ZNF169: variants seen among roughly 807,000 people sequenced by gnomAD.
ZNF169 encodes zinc finger protein 169.
Under a neutral mutation model 12.0 loss-of-function variants are expected in ZNF169, and 11 were observed. That is an observed-to-expected ratio of 0.92 (90% CI 0.58 to 1.52). ZNF169 has a LOEUF of 1.52. ZNF169 is among the 40% of genes most tolerant of loss of function. The pLI is 0.00. For missense variants in ZNF169, 722 were observed against 744.0 expected (o/e 0.97, Z 0.34); for synonymous variants, 302 against 286.5 (o/e 1.05, Z -0.55).
chr9:94,287,247 G>C (rs191368529), intron 2 of ZNF169, among the ~76,000 whole-genome samples: 17 of 152,308 alleles, frequency 1.1e-4, no homozygotes, highest in Non-Finnish European at 2.2e-4. Flanking sequence ...ACATCTTAAA[G>C]CTGAATCATC....
intron 1 of ZNF169, among the ~76,000 whole-genome samples, chr9:94,265,021 G>GTTTTTTT (rs55756013): frequency 4.4e-5 from 4 of 90,680 alleles, no homozygotes; most frequent in African/African-American, 9.2e-5. Flanking sequence ...TCTGTACCCT[G>GTTTTTTT]TTTTTTTTTT....
At chr9:94,281,360 G>A (rs946091518) in intron 2 of ZNF169, among the ~76,000 whole-genome samples, 2 of 152,218 alleles carry the variant, frequency 1.3e-5, no homozygotes, top group African/African-American at 4.8e-5. Flanking sequence ...TTTTGCCTGA[G>A]AGGAGAATTG....
intron 1 of ZNF169, among the ~76,000 whole-genome samples, chr9:94,260,909 C>T (rs934815931): frequency 2.0e-5 from 3 of 150,696 alleles, no homozygotes; most frequent in African/African-American, 7.3e-5. Flanking sequence ...CAACCACGGC[C>T]TCCCGGGTTC....
chr9:94,273,718 T>C (rs1304761995), intron 1 of ZNF169, among the ~76,000 whole-genome samples: 1 of 151,930 alleles, frequency 6.6e-6, no homozygotes, highest in Non-Finnish European at 1.5e-5. Flanking sequence ...TAGCTGGGAC[T>C]ACAGGCACCT....
intron 4 of ZNF169, chr9:94,299,344 G>A (rs1237749032): frequency 4.8e-6 from 2 of 416,914 alleles, no homozygotes; most frequent in Non-Finnish European, 8.3e-6. Context: ...CCCCTTACTT[G>A]AGTCACCACA....
intron 4 of ZNF169, among the ~76,000 whole-genome samples, chr9:94,298,406 C>T (rs79124009): frequency 0.024 from 3,714 of 152,098 alleles, 149 homozygotes; most frequent in African/African-American, 0.084. Context: ...TCCTGCCGAG[C>T]GCAGTGGCTC....
At position 94,301,236 on chromosome 9, in the gene ZNF169, C is replaced by T. The variant is rs550942468; in HGVS notation, c.1678C>T (p.His560Tyr). Residue 560 changes from histidine to tyrosine, a missense_variant, in exon 5 of 5, where the codon CAT becomes TAT. Transcript: ENST00000395395. The part of the protein sequence containing the change: ...GFGFKSALIR[H>Y]QRTHSGEKPY... ...TGGCTTTAAGTCTGCCCTCATCCGA[C>T]ATCAGCGGACCCATTCTGGGGAGAA... The T allele has an allele frequency of 6.2e-7, 1 of 1,614,150 alleles. No individual in the cohort carries two copies. Among genetic ancestry groups the T allele is most frequent in the Admixed American group, 1.7e-5 (1 of 60,014 alleles).
At chr9:94,268,986 AACATACAC>A (rs1462241003) in intron 1 of ZNF169, among the ~76,000 whole-genome samples, 3 of 152,066 alleles carry the variant, frequency 2.0e-5, no homozygotes, top group South Asian at 2.1e-4. Context: ...TTTAAATACA[AACATACAC>A]ACATGCACAC....
At chr9:94,281,537 A>G (rs796543815) in intron 2 of ZNF169, among the ~76,000 whole-genome samples, 4 of 152,250 alleles carry the variant, frequency 2.6e-5, no homozygotes, top group African/African-American at 9.6e-5. Flanking sequence ...AAAGAGTCTA[A>G]CTCTGTAAAA....
At chr9:94,281,040 A>C (rs1443810798) in intron 2 of ZNF169, among the ~76,000 whole-genome samples, 1 of 152,234 alleles carries the variant, frequency 6.6e-6, no homozygotes, top group East Asian at 1.9e-4. Flanking sequence ...TGATTCTTTG[A>C]AGAGAATCTT....
rs1408719105 is a variant in ZNF169 at position 94,299,960 on chromosome 9, A to G, written c.402A>G (p.Pro134=). ...GAGGTGACTTCCAACTAGAAGCTCC[A>G]AGATGCTCTAGTGAAAAAGGAGAAA... is the stretch of plus-strand genomic sequence containing the variant. ...SAGGDFQLEA[P]RCSSEKGESG... Residue 134 remains proline, a synonymous_variant, in exon 5 of 5, where the codon CCA becomes CCG. Coordinates refer to ENST00000395395, the MANE Select transcript of ZNF169 (RefSeq NM_194320.4). 1 of 1,614,168 alleles carries G rather than the reference A, an allele frequency of 6.2e-7. No homozygotes were observed. The highest frequency in any genetic ancestry group is 1.7e-5 in the Admixed American group (1 of 60,008).
intron 2 of ZNF169, among the ~76,000 whole-genome samples, chr9:94,282,159 T>C (rs1055437590): frequency 3.3e-5 from 5 of 152,210 alleles, no homozygotes; most frequent in African/African-American, 2.4e-5. Context: ...GATTGGAAAG[T>C]AAGCCACGAT....
At chr9:94,275,029 A>G (rs1225478326) in intron 1 of ZNF169, among the ~76,000 whole-genome samples, 2 of 152,192 alleles carry the variant, frequency 1.3e-5, no homozygotes, top group Non-Finnish European at 2.9e-5. Flanking sequence ...ACTTGAGGCC[A>G]GAAGTTCTAG....
intron 1 of ZNF169, among the ~76,000 whole-genome samples, chr9:94,268,421 A>G (rs1353761168): frequency 6.6e-6 from 1 of 152,216 alleles, no homozygotes; most frequent in Non-Finnish European, 1.5e-5. Context: ...AAAGCCAAAC[A>G]TGATTTCATA....
rs1831051587 is a variant in ZNF169, at chr9:94,300,725, CCTT to C, written c.1168_1170del (p.Leu390del). ...GTAGCTTCAGGCAGCAGTCACTCCT[CCTT>C]AGTCACCAGGTCACACACTCAGGAG... On this transcript the variant is annotated inframe_deletion, in exon 5 of 5. Coordinates refer to ENST00000395395, the MANE Select transcript of ZNF169 (RefSeq NM_194320.4). The C allele has an allele frequency of 6.2e-7, 1 of 1,613,596 alleles. No individual in the cohort carries two copies. The highest frequency in any genetic ancestry group is 1.3e-5 in the African/African-American group (1 of 74,860).
In ZNF169 at chr9:94,288,117, C is replaced by A. The variant is rs1335312562; in HGVS notation, c.34-4224C>A. 6.1e-6 allele frequency: 5 copies of A among 824,424 alleles called. No homozygotes were observed. In the African/African-American group the frequency reaches 8.4e-5, roughly 14 times the overall value. The allele number at this position is 824,424 out of a possible 1,614,324, so 51.1% of individuals were successfully genotyped here. On this transcript the variant is annotated intron_variant, in intron 2 of 4. Coordinates refer to ENST00000395395, the MANE Select transcript of ZNF169 (RefSeq NM_194320.4). ...GTAGCTAGCCAGCCAGCCCTCATAA[C>A]CCAGCACCAGAGCACCCTGGAATGA...
At chr9:94,264,423 G>A (rs998712722) in intron 1 of ZNF169, among the ~76,000 whole-genome samples, 4 of 152,164 alleles carry the variant, frequency 2.6e-5, no homozygotes, top group South Asian at 2.1e-4. Context: ...GTGAGCCACC[G>A]CGCCTGGCTT....
intron 1 of ZNF169, among the ~76,000 whole-genome samples, chr9:94,273,283 A>C (rs1387551495): frequency 6.7e-6 from 1 of 149,828 alleles, no homozygotes; most frequent in Non-Finnish European, 1.5e-5. Flanking sequence ...TATTCCAGAA[A>C]TCATTGTCAA....
intron 1 of ZNF169, among the ~76,000 whole-genome samples, chr9:94,278,179 G>A (rs560366267): frequency 6.6e-6 from 1 of 152,046 alleles, no homozygotes; most frequent in Non-Finnish European, 1.5e-5. Flanking sequence ...AAATTGACTC[G>A]TTATAAAACT....
Sources: gnomAD v4.1 joint callset for allele counts (sites outside exome capture counted in the v4.1 genomes callset) on GRCh38, gnomAD v4.1.1 for gene constraint, MANE v1.5 for transcripts, NCBI Gene and HGNC (gene_info 2026-07-23, HGNC 2026-07-21) for gene names.